LILRB1: variants seen among roughly 807,000 people sequenced by gnomAD.
The protein encoded by LILRB1 is leukocyte immunoglobulin like receptor B1.
A neutral mutation model predicts 74.6 loss-of-function variants in LILRB1; 59 were observed. The ratio of observed to expected loss-of-function variants is 0.79; its 90% CI spans 0.64 to 0.98. The LOEUF (loss-of-function observed/expected upper bound fraction) is 0.98. Ranked by LOEUF, LILRB1 falls within the 50% of genes least tolerant of loss-of-function variation. The pLI, the probability that LILRB1 is intolerant of heterozygous loss-of-function variation, is 0.00. For missense variants in LILRB1, 804 were observed against 822.6 expected, an observed-to-expected ratio of 0.98 and a Z score of 0.28; for synonymous variants, 328 against 333.9, an observed-to-expected ratio of 0.98 and a Z score of 0.19.
rs370595875 is a variant in LILRB1 at position 54,634,002 on chromosome 19, C to T, written c.1344C>T (p.Thr448=). The T allele has an allele frequency of 9.5e-4, 1,519 of 1,598,704 alleles. 8 individuals carry two copies. In the African/African-American group the frequency reaches 0.017, roughly 18 times the overall value. ...CTGAGGACCAGCCCCTCACCCCCAC[C>T]GGGTCGGATCCCCAGAGTGGTGAGT... The part of the protein sequence containing the change: ...AGPEDQPLTP[T]GSDPQSGLGR... The change falls in exon 9 of 15, where the codon ACC becomes ACT. Residue 448 remains threonine (T), a synonymous_variant. Coordinates refer to ENST00000324602, the MANE Select transcript of LILRB1 (RefSeq NM_001081637.3).
At chr19:54,620,790 G>A (rs964432999) in intron 1 of LILRB1, among the ~76,000 whole-genome samples, 2 of 152,166 alleles carry the variant, frequency 1.3e-5, no homozygotes, top group African/African-American at 2.4e-5. Context: ...AACCGTTGGT[G>A]GACACTTAGT....
In LILRB1 at chr19:54,632,193, A is replaced by G. The variant is rs570444682; in HGVS notation, c.617A>G (p.Tyr206Cys). The part of the protein sequence containing the change: ...RCYAYDSNSP[Y>C]EWSLPSDLLE... ...TATGCTTATGACTCGAACTCTCCCTATGAGTGGTCTCTACCCAGTGATCTC... is the reference window on the plus strand; with the variant it reads ...TATGCTTATGACTCGAACTCTCCCTGTGAGTGGTCTCTACCCAGTGATCTC... The change falls in exon 5 of 15, where the codon TAT (tyrosine) becomes TGT (cysteine). Residue 206 changes from tyrosine to cysteine, a missense_variant. By Grantham distance (194) the Tyr-to-Cys change is radical (BLOSUM62 -2). Transcript: ENST00000324602. The G allele has an allele frequency of 3.2e-5, 51 of 1,613,984 alleles. No homozygotes were observed. Among genetic ancestry groups the G allele is most frequent in the South Asian group, 4.4e-5 (4 of 91,070 alleles).
intron 1 of LILRB1, among the ~76,000 whole-genome samples, chr19:54,619,281 C>T (rs769761664): frequency 6.6e-6 from 1 of 151,990 alleles, no homozygotes; most frequent in African/African-American, 2.4e-5. Flanking sequence ...TAGGACAAAA[C>T]AGGCAGTTTA....
At chr19:54,622,895 C>G (rs549876612) in intron 1 of LILRB1, among the ~76,000 whole-genome samples, 28 of 152,218 alleles carry the variant, frequency 1.8e-4, no homozygotes, top group African/African-American at 6.7e-4. Flanking sequence ...TGGACTTTCT[C>G]GAACGCTTTA....
chr19:54,635,771 G>C (rs1342129693), intron 13 of LILRB1, 162 bp downstream of exon 13: 1 of 873,806 alleles, frequency 1.1e-6, no homozygotes. Context: ...ACTCTCTCCT[G>C]CTGTCCTGGG....
In LILRB1 at chr19:54,632,492, G is replaced by A. The variant is rs2063964255; in HGVS notation, c.690G>A (p.Val230=). Residue 230 remains valine, a synonymous_variant, in exon 6 of 15, where the codon GTG becomes GTA. Transcript: ENST00000324602. ...TTTCTAAGAAGCCATCACTCTCAGT[G>A]CAGCCAGGTCCTATCGTGGCCCCTG... ...LGVSKKPSLS[V]QPGPIVAPEE... 6.2e-7 allele frequency: 1 copy of A among 1,612,306 alleles called. No individual in the cohort carries two copies. The highest frequency in any genetic ancestry group is 8.5e-7 in the Non-Finnish European group (1 of 1,178,818).
chr19:54,628,442 G>A (rs1355620789), upstream of LILRB1, among the ~76,000 whole-genome samples: 1 of 152,134 alleles, frequency 6.6e-6, no homozygotes, highest in Non-Finnish European at 1.5e-5. Context: ...CCATTCCCAA[G>A]TCCAGACCTC....
chr19:54,632,611 G>GTT lies in LILRB1; in HGVS notation c.809_810insTT (p.Ala271SerfsTer18), dbSNP rs2063980663. On this transcript the variant is annotated frameshift_variant, in exon 6 of 15. Transcript: ENST00000324602. LOFTEE classifies it high-confidence loss of function. ...GAACGTGACTTCCTTCAGCTCGCTG[G>GTT]CGCACAGCCCCAGGCTGGGCTCTCC... 6.2e-7 allele frequency: 1 copy of GTT among 1,613,988 alleles called. No homozygotes were observed. Among genetic ancestry groups the GTT allele is most frequent in the African/African-American group, 1.3e-5 (1 of 74,908 alleles).
upstream of LILRB1, among the ~76,000 whole-genome samples, chr19:54,626,927 A>G (rs2063607922): frequency 6.6e-6 from 1 of 152,152 alleles, no homozygotes; most frequent in Non-Finnish European, 1.5e-5. Context: ...CGTGCTAGAG[A>G]TGCCTGGTCC....
intron 1 of LILRB1, among the ~76,000 whole-genome samples, chr19:54,624,251 C>CTG (rs2063523280): frequency 6.6e-6 from 1 of 152,158 alleles, no homozygotes; most frequent in Non-Finnish European, 1.5e-5. Flanking sequence ...GAGGTCTCTG[C>CTG]GGGGGGTGAA....
intron 6 of LILRB1, 116 bp from the exon 7 acceptor site, chr19:54,632,900 G>C: frequency 6.6e-7 from 1 of 1,514,594 alleles, no homozygotes; most frequent in Non-Finnish European, 8.9e-7. Flanking sequence ...TGGGCGGGGA[G>C]GGGGAGACTC....
chr19:54,628,175 G>A (rs1421715433), upstream of LILRB1, among the ~76,000 whole-genome samples: 1 of 152,224 alleles, frequency 6.6e-6, no homozygotes, highest in East Asian at 1.9e-4. Context: ...GTAACTTGTG[G>A]AATGCTGAGA....
chr19:54,632,995 G>T (rs569451616), intron 6 of LILRB1, 21 bp from the exon 7 acceptor site: 1 of 1,535,476 alleles, frequency 6.5e-7, no homozygotes, highest in Non-Finnish European at 8.8e-7. Context: ...GCAGCCCCTC[G>T]CCCATCCTTC....
At chr19:54,619,140 G>A (rs1435447969) in intron 1 of LILRB1, among the ~76,000 whole-genome samples, 1 of 152,014 alleles carries the variant, frequency 6.6e-6, no homozygotes, top group South Asian at 2.1e-4. Flanking sequence ...GAGATGTAAA[G>A]ACAGTTATAA....
rs993702940 is a variant in LILRB1 at position 54,635,866 on chromosome 19, A to C, written c.1653+257A>C. The C allele has an allele frequency of 1.3e-5, 9 of 673,812 alleles. No individual in the cohort carries two copies. In the African/African-American group the frequency reaches 1.4e-4, roughly 11 times the overall value. The allele number at this position is 673,812 out of a possible 1,614,324, so 41.7% of individuals were successfully genotyped here. On this transcript the variant is annotated intron_variant, in intron 13 of 14. Coordinates refer to ENST00000324602, the MANE Select transcript of LILRB1 (RefSeq NM_001081637.3). ...GTTGTTAGAGCTCTCCCCAGGCCTC[A>C]GGAGGATGAGGAATAAATGAACCAC... is the stretch of plus-strand genomic sequence containing the variant.
At chr19:54,633,763 C>T in intron 8 of LILRB1, 75 bp downstream of exon 8, 3 of 1,525,082 alleles carry the variant, frequency 2.0e-6, no homozygotes, top group Non-Finnish European at 2.7e-6. Context: ...CAGAGAATCC[C>T]ATTCCCCTCA....
At chr19:54,618,392 A>C (rs2063369266) in intron 1 of LILRB1, among the ~76,000 whole-genome samples, 1 of 152,242 alleles carries the variant, frequency 6.6e-6, no homozygotes, top group Non-Finnish European at 1.5e-5. Flanking sequence ...TGGCTTTAAA[A>C]TTATTGGTAA....
At position 54,631,750 on chromosome 19, in the gene LILRB1, C is replaced by A; in HGVS notation, c.321C>A (p.Arg107=). The change falls in exon 4 of 15, where the codon CGC becomes CGA. Residue 107 remains arginine, a synonymous_variant. Transcript: ENST00000324602. ...RCYYGSDTAG[R]SESSDPLELV... is the part of the protein sequence containing the mutation. ...ACTATGGTAGCGACACTGCAGGCCGCTCAGAGAGCAGTGACCCCCTGGAGC... is the reference window on the plus strand; with the variant it reads ...ACTATGGTAGCGACACTGCAGGCCGATCAGAGAGCAGTGACCCCCTGGAGC... 6.2e-7 allele frequency: 1 copy of A among 1,613,248 alleles called. No individual in the cohort carries two copies. The highest frequency in any genetic ancestry group is 8.5e-7 in the Non-Finnish European group (1 of 1,180,024).
chr19:54,618,963 TA>T, intron 1 of LILRB1, among the ~76,000 whole-genome samples: 1 of 152,294 alleles, frequency 6.6e-6, no homozygotes, highest in African/African-American at 2.4e-5. Context: ...AATCTAAAGT[TA>T]TATTAAATAA....
Sources: allele counts gnomAD v4.1 joint callset (sites outside exome capture counted in the v4.1 genomes callset), GRCh38; gene constraint gnomAD v4.1.1; transcripts MANE v1.5; gene names NCBI Gene and HGNC (gene_info 2026-07-23, HGNC 2026-07-21).